The following AIM2 variants were observed in gnomAD, a reference collection of about 807,000 sequenced individuals.
The protein encoded by AIM2 is interferon-inducible protein AIM2.
AIM2 carries 30 observed loss-of-function variants against 27.7 expected under a neutral mutation model. That is an observed-to-expected ratio of 1.08 (90% CI 0.81 to 1.47). The LOEUF is 1.47. Among genes scored for constraint, AIM2 ranks in the 40% most tolerant of loss-of-function variants. The pLI is 0.00. For synonymous variants in AIM2, 141 were observed against 145.3 expected, an observed-to-expected ratio of 0.97 and a Z score of 0.21; for missense variants, 358 against 411.3, an observed-to-expected ratio of 0.87 and a Z score of 1.12.
At chr1:159,057,845 T>G (rs542541505), downstream of AIM2, among the ~76,000 whole-genome samples, 4 of 152,342 alleles carry the variant, frequency 2.6e-5, no homozygotes, top group East Asian at 7.7e-4. Flanking sequence ...GTCTTACACT[T>G]GGTCTGATTA....
chr1:159,132,697 G>A (rs914824533), intron 1 of AIM2, among the ~76,000 whole-genome samples: 1 of 152,074 alleles, frequency 6.6e-6, no homozygotes, highest in African/African-American at 2.4e-5. Context: ...TATTATGACG[G>A]CAAACATTGG....
At chr1:159,056,343 G>A in the AIM2 span, among the ~76,000 whole-genome samples, 1 of 152,112 alleles carries the variant, frequency 6.6e-6, no homozygotes, top group Admixed American at 6.5e-5. Flanking sequence ...GTGCAGGCTG[G>A]AGTTTCTCTG....
At chr1:159,114,239 G>T (rs1292020643) in intron 1 of AIM2, among the ~76,000 whole-genome samples, 1 of 152,182 alleles carries the variant, frequency 6.6e-6, no homozygotes, top group Non-Finnish European at 1.5e-5. Flanking sequence ...TGAGGGACAA[G>T]CCAACAGAAT....
At chr1:159,108,034 C>A (rs972625368) in intron 1 of AIM2, among the ~76,000 whole-genome samples, 8 of 152,112 alleles carry the variant, frequency 5.3e-5, no homozygotes, top group Non-Finnish European at 4.4e-5. Context: ...AAAGAGGGAA[C>A]CCTCCCTAAT....
chr1:159,102,987 G>T (rs1008101760), intron 1 of AIM2, among the ~76,000 whole-genome samples: 1 of 152,140 alleles, frequency 6.6e-6, no homozygotes, highest in African/African-American at 2.4e-5. Flanking sequence ...ATTTGGGAGG[G>T]GTCAGGGGTG....
intron 1 of AIM2, among the ~76,000 whole-genome samples, chr1:159,113,128 T>A (rs928811152): frequency 1.3e-5 from 2 of 152,010 alleles, no homozygotes; most frequent in Non-Finnish European, 2.9e-5. Context: ...GTATTTTTAG[T>A]AAAGACGGGG....
chr1:159,062,433 T>G, downstream of AIM2: 1 of 532,294 alleles, frequency 1.9e-6, no homozygotes, highest in Non-Finnish European at 3.3e-6. Context: ...GATAAAGTAT[T>G]TTCGCTTGAG....
At chr1:159,101,942 G>A (rs1396090383) in intron 1 of AIM2, among the ~76,000 whole-genome samples, 2 of 152,290 alleles carry the variant, frequency 1.3e-5, no homozygotes, top group East Asian at 3.9e-4. Flanking sequence ...GCCAGCTGCA[G>A]AAATTTGCGT....
At chr1:159,118,145 A>C (rs969313545) in intron 1 of AIM2, among the ~76,000 whole-genome samples, 1 of 152,200 alleles carries the variant, frequency 6.6e-6, no homozygotes, top group Non-Finnish European at 1.5e-5. Flanking sequence ...ACTGAACAAC[A>C]AATACATTAG....
intron 1 of AIM2, among the ~76,000 whole-genome samples, chr1:159,098,097 C>T (rs908659430): frequency 8.5e-5 from 13 of 152,172 alleles, no homozygotes; most frequent in Non-Finnish European, 1.6e-4. Flanking sequence ...TTCACATACC[C>T]AATAATGATC....
chr1:159,071,388 T>C (rs985654703), intron 2 of AIM2, among the ~76,000 whole-genome samples: 2 of 152,236 alleles, frequency 1.3e-5, no homozygotes, highest in African/African-American at 2.4e-5. Flanking sequence ...AGAAATAGCA[T>C]GGACACACAA....
intron 1 of AIM2, among the ~76,000 whole-genome samples, chr1:159,087,406 T>C (rs1224460919): frequency 6.6e-6 from 1 of 151,974 alleles, no homozygotes; most frequent in African/African-American, 2.4e-5. Flanking sequence ...TGTGCTGAAC[T>C]GTGGAAGTAT....
downstream of AIM2, among the ~76,000 whole-genome samples, chr1:159,061,396 A>T (rs765433157): frequency 3.0e-4 from 45 of 151,338 alleles, 1 homozygote; most frequent in Non-Finnish European, 5.8e-4. Context: ...TGGATACAGG[A>T]TCTTTTTGTT....
chr1:159,121,462 C>T (rs893894359), intron 1 of AIM2, among the ~76,000 whole-genome samples: 6 of 152,124 alleles, frequency 3.9e-5, no homozygotes, highest in Non-Finnish European at 5.9e-5. Context: ...ACCAGTTTGA[C>T]GTGCTTTTGT....
intron 1 of AIM2, among the ~76,000 whole-genome samples, chr1:159,094,855 CT>C (rs1657135931): frequency 6.6e-6 from 1 of 151,894 alleles, no homozygotes; most frequent in African/African-American, 2.4e-5. Context: ...TACCTTTTTG[CT>C]TTGTATGTCT....
chr1:159,091,407 C>T lies in AIM2; in HGVS notation c.-15-25078G>A, dbSNP rs551625737. 1.8e-4 allele frequency among the ~76,000 whole-genome samples: 27 copies of T among 152,320 alleles called. 1 individual carries two copies. In the South Asian group the frequency reaches 5.6e-3, roughly 32 times the overall value. On this transcript the variant is annotated intron_variant, in intron 1 of 2. Transcript: ENST00000368129. ...ACGTGCTTTGGCAGGTTCTGCCTTT[C>T]CCTTTACTTATTCTAGGCTGGGTCC...
At chr1:159,069,175 A>G (rs531135660) in intron 2 of AIM2, among the ~76,000 whole-genome samples, 4 of 151,984 alleles carry the variant, frequency 2.6e-5, no homozygotes, top group Admixed American at 2.0e-4. Context: ...AACAAAAACT[A>G]TGAAGTAGTA....
At chr1:159,144,780 G>A (rs1648173556), upstream of AIM2, among the ~76,000 whole-genome samples, 1 of 152,106 alleles carries the variant, frequency 6.6e-6, no homozygotes, top group African/African-American at 2.4e-5. Flanking sequence ...GGATACATAT[G>A]ATAAATGCCC....
At chr1:159,093,669 A>G (rs1039341237) in intron 1 of AIM2, among the ~76,000 whole-genome samples, 6 of 151,882 alleles carry the variant, frequency 4.0e-5, no homozygotes, top group Non-Finnish European at 8.8e-5. Flanking sequence ...AGAGGAATGT[A>G]TATAACATTT....
Sources: allele counts gnomAD v4.1 joint callset (sites outside exome capture counted in the v4.1 genomes callset), GRCh38; gene constraint gnomAD v4.1.1; transcripts MANE v1.5; gene names NCBI Gene and HGNC (gene_info 2026-07-23, HGNC 2026-07-21).